PLA2G4F: variants seen among roughly 807,000 people sequenced by gnomAD.
PLA2G4F encodes the protein phospholipase A2 group IVF.
In PLA2G4F, 105 loss-of-function variants were observed where a neutral mutation model predicts 103.1. The ratio of observed to expected loss-of-function variants is 1.02; its 90% CI spans 0.87 to 1.20. The LOEUF is 1.20. Ranked by LOEUF, PLA2G4F falls within the 50% of genes most tolerant of loss-of-function variation. The pLI, the probability that PLA2G4F is intolerant of heterozygous loss-of-function variation, is 0.00. For missense variants in PLA2G4F, 1,155 were observed against 1,075.9 expected (o/e 1.07, Z -1.03); for synonymous variants, 468 against 441.1 (o/e 1.06, Z -0.76).
intron 1 of PLA2G4F, 130 bp from the exon 2 acceptor site, chr15:42,155,719 G>A (rs537862959): frequency 1.1e-6 from 1 of 874,636 alleles, no homozygotes; most frequent in Non-Finnish European, 1.8e-6. Flanking sequence ...CCGGGGAGCA[G>A]GGAGACCTTG....
Position 42,150,499 on chromosome 15 carries a change from A to G in PLA2G4F, c.772-13T>C, listed in dbSNP as rs376630548. On this transcript the variant is annotated splice_polypyrimidine_tract_variant and intron_variant, in intron 8 of 19. Coordinates refer to ENST00000397272, the MANE Select transcript of PLA2G4F (RefSeq NM_213600.4). ...CGCTGGGGCCACTCTGTGGAAAAGA[A>G]AACACCCAAGAAGCTCTCCAGCAGG... The G allele has an allele frequency of 5.0e-6, 8 of 1,609,594 alleles. No homozygotes were observed. The highest frequency in any genetic ancestry group is 5.1e-6 in the Non-Finnish European group (6 of 1,178,290).
At position 42,141,226 on chromosome 15, in the gene PLA2G4F, T is replaced by C; in HGVS notation, c.*758A>G. On this transcript the variant is annotated 3_prime_UTR_variant, in exon 20 of 20. Coordinates refer to ENST00000397272, the MANE Select transcript of PLA2G4F (RefSeq NM_213600.4). ...AGCTCCTAGGAATGGTGAGACTATA[T>C]TTGCATGATGTGGCCACTACACACA... 2.2e-6 allele frequency: 1 copy of C among 456,670 alleles called. No individual in the cohort carries two copies. The highest frequency in any genetic ancestry group is 1.5e-5 in the South Asian group (1 of 64,558). The allele number at this position is 456,670 out of a possible 1,614,324, so 28.3% of individuals were successfully genotyped here.
chr15:42,155,616 A>C (rs771679238), intron 1 of PLA2G4F, 27 bp from the exon 2 acceptor site: 5 of 1,606,568 alleles, frequency 3.1e-6, no homozygotes, highest in Non-Finnish European at 4.3e-6. Context: ...CCAGGGACTC[A>C]GTCAGCTAGT....
rs759572278 is a variant in PLA2G4F, at chr15:42,147,640, G to C, written c.1182C>G (p.Val394=). ...ACCTCACTTACCAGGTAGACCCAGA[G>C]ACCCCACTCAGGTAGGTCACAGTGT... ...LLDTVTYLSG[V]SGSTWCISTL... The change falls in exon 12 of 20, where the codon GTC becomes GTG. Residue 394 remains valine, a synonymous_variant. Coordinates refer to ENST00000397272, the MANE Select transcript of PLA2G4F (RefSeq NM_213600.4). The C allele has an allele frequency of 1.9e-5, 31 of 1,613,980 alleles. No individual in the cohort carries two copies. In the East Asian group the frequency reaches 6.5e-4, roughly 34 times the overall value.
intron 11 of PLA2G4F, chr15:42,148,971 G>A (rs979360027): frequency 1.2e-5 from 12 of 985,388 alleles, no homozygotes; most frequent in Non-Finnish European, 1.3e-5. Context: ...CTGGGCCACA[G>A]TGATAGCGTC....
chr15:42,150,261 T>C, intron 9 of PLA2G4F, 112 bp downstream of exon 9: 1 of 1,545,044 alleles, frequency 6.5e-7, no homozygotes, highest in Non-Finnish European at 8.9e-7. Flanking sequence ...ACATCATAAC[T>C]GACCTCTGGA....
chr15:42,155,849 G>A (rs1049426567), intron 1 of PLA2G4F, among the ~76,000 whole-genome samples: 1 of 152,266 alleles, frequency 6.6e-6, no homozygotes, highest in East Asian at 1.9e-4. Flanking sequence ...TGGCTGTCAC[G>A]CACCACACAC....
intron 1 of PLA2G4F, among the ~76,000 whole-genome samples, chr15:42,155,884 G>A (rs1036032429): frequency 1.3e-5 from 2 of 152,048 alleles, no homozygotes; most frequent in African/African-American, 2.4e-5. Context: ...AGACGCTCGC[G>A]CCCCCACTCT....
chr15:42,155,577 G>T lies in PLA2G4F; in HGVS notation c.124C>A (p.Pro42Thr). 6.2e-7 allele frequency: 1 copy of T among 1,614,024 alleles called. No individual in the cohort carries two copies. The highest frequency in any genetic ancestry group is 1.7e-5 in the Admixed American group (1 of 60,026). Reference protein sequence around the residue: ...LWRHWRRETYPYYDLQVKVLR... With the variant: ...LWRHWRRETYTYYDLQVKVLR... Reference sequence around the variant, plus strand: ...ACCTTCACCTGGAGGTCATAGTATGGGTAGGTTTCCCGCTGCAATAACAGA... The same window carrying T: ...ACCTTCACCTGGAGGTCATAGTATGTGTAGGTTTCCCGCTGCAATAACAGA... The change falls in exon 2 of 20, where the codon CCA becomes ACA. Residue 42 changes from proline to threonine, a missense_variant. Pro to Thr is a conservative substitution (Grantham distance 38). Coordinates refer to ENST00000397272, the MANE Select transcript of PLA2G4F (RefSeq NM_213600.4).
Position 42,141,739 on chromosome 15 carries a change from C to G in PLA2G4F, c.*245G>C, listed in dbSNP as rs1277173847. 9.6e-6 allele frequency: 6 copies of G among 622,316 alleles called. No individual in the cohort carries two copies. The highest frequency in any genetic ancestry group is 9.1e-5 in the African/African-American group (5 of 54,966). 38.5% of individuals were successfully genotyped at this position (622,316 alleles called of 1,614,324 possible). On this transcript the variant is annotated 3_prime_UTR_variant, in exon 20 of 20. Coordinates refer to ENST00000397272, the MANE Select transcript of PLA2G4F (RefSeq NM_213600.4). ...GAAATGAGTGCTGTTCTCTTCTGCC[C>G]TACATCCCCAAGAGTCCCTGGAGCG...
At chr15:42,154,269 G>A (rs367585902) in intron 3 of PLA2G4F, 49 bp from the exon 4 acceptor site, 56 of 1,612,692 alleles carry the variant, frequency 3.5e-5, no homozygotes, top group South Asian at 2.5e-4. Context: ...GGACAGGAGG[G>A]TAGCTGCCTG....
intron 12 of PLA2G4F, 79 bp from the exon 13 acceptor site, chr15:42,147,425 C>T (rs1274455805): frequency 4.4e-5 from 63 of 1,443,026 alleles, no homozygotes; most frequent in South Asian, 2.4e-4. Context: ...CTGTGAGTGG[C>T]CCTCCACCCC....
Position 42,147,385 on chromosome 15 carries a change from G to A in PLA2G4F, c.1197-39C>T, listed in dbSNP as rs753663695. The A allele has an allele frequency of 3.8e-6, 6 of 1,565,466 alleles. No homozygotes were observed. In the South Asian group the frequency reaches 5.6e-5, roughly 15 times the overall value. ...GTGTGCCTGAGTCAGGGGCAGGAGA[G>A]CACAGCCACGGGAGAGAGGGGTGCA... On this transcript the variant is annotated intron_variant, in intron 12 of 19. Coordinates refer to ENST00000397272, the MANE Select transcript of PLA2G4F (RefSeq NM_213600.4).
At position 42,152,895 on chromosome 15, in the gene PLA2G4F, G is replaced by A. The variant is rs1439636472; in HGVS notation, c.535-141C>T. 7.5e-6 allele frequency: 6 copies of A among 805,002 alleles called. No homozygotes were observed. The African/African-American group carries it at 1.0e-4, about 14-fold the overall frequency. 49.9% of individuals were successfully genotyped at this position (805,002 alleles called of 1,614,324 possible). On this transcript the variant is annotated intron_variant, in intron 6 of 19. Coordinates refer to ENST00000397272, the MANE Select transcript of PLA2G4F (RefSeq NM_213600.4). ...GAGGGAGGGAGGAGTTCCTGGGGCA[G>A]GGTCTAGGAAACAGCCCTCCCAGGA...
Position 42,150,595 on chromosome 15 carries a change from G to A in PLA2G4F, c.771+13C>T, listed in dbSNP as rs2048948558. On this transcript the variant is annotated intron_variant, in intron 8 of 19. Coordinates refer to ENST00000397272, the MANE Select transcript of PLA2G4F (RefSeq NM_213600.4). ...TGAGTTGGATCTACCGACCATCCTG[G>A]CGGCGCACTCACCTGCACAGCTGCC... is the stretch of plus-strand genomic sequence containing the variant. 1.2e-6 allele frequency: 2 copies of A among 1,600,168 alleles called. No homozygotes were observed. Among genetic ancestry groups the A allele is most frequent in the Non-Finnish European group, 1.7e-6 (2 of 1,172,810 alleles).
Position 42,141,978 on chromosome 15 carries a change from C to T in PLA2G4F, c.*6G>A, listed in dbSNP as rs954342180. 7.4e-6 allele frequency: 12 copies of T among 1,611,872 alleles called. No individual in the cohort carries two copies. The highest frequency in any genetic ancestry group is 8.5e-6 in the Non-Finnish European group (10 of 1,178,782). ...CTCTGTCACAGTCCTCCGCTTCCTG[C>T]CTTGGTCAGGCCCCTGCCCTCTCCC... On this transcript the variant is annotated 3_prime_UTR_variant, in exon 20 of 20. Transcript: ENST00000397272.
At chr15:42,145,935 G>C in intron 14 of PLA2G4F, 32 bp from the exon 15 acceptor site, 1 of 1,610,256 alleles carries the variant, frequency 6.2e-7, no homozygotes, top group Non-Finnish European at 8.5e-7. Flanking sequence ...AAGTCACCAG[G>C]GGCTTCCCAC....
chr15:42,142,259 C>T (rs892599142), intron 19 of PLA2G4F, 55 bp from the exon 20 acceptor site: 3 of 1,502,594 alleles, frequency 2.0e-6, no homozygotes, highest in Non-Finnish European at 1.8e-6. Context: ...GTGGAACTGG[C>T]TGGAACAGCC....
At chr15:42,153,730 C>A in intron 4 of PLA2G4F, 70 bp from the exon 5 acceptor site, 2 of 1,565,454 alleles carry the variant, frequency 1.3e-6, no homozygotes, top group Non-Finnish European at 1.8e-6. Flanking sequence ...TCCTGCCTGC[C>A]AGCCCTGCTT....
Sources: gnomAD v4.1 joint callset for allele counts (sites outside exome capture counted in the v4.1 genomes callset) on GRCh38, gnomAD v4.1.1 for gene constraint, MANE v1.5 for transcripts, NCBI Gene and HGNC (gene_info 2026-07-23, HGNC 2026-07-21) for gene names.